The following SAMD5 variants were observed in gnomAD, a reference collection of about 807,000 sequenced individuals.
The protein encoded by SAMD5 is sterile alpha motif domain containing 5, also known as sterile alpha motif domain-containing protein 5.
Under a neutral mutation model 11.3 loss-of-function variants are expected in SAMD5, and 13 were observed. That is an observed-to-expected ratio of 1.15 (90% confidence interval 0.75 to 1.83). The LOEUF is 1.83. Ranked by LOEUF, SAMD5 falls within the 40% of genes most tolerant of loss-of-function variation. The pLI, the probability that SAMD5 is intolerant of heterozygous loss-of-function variation, is 0.00. For missense variants in SAMD5, 255 were observed against 239.1 expected, an observed-to-expected ratio of 1.07 and a Z score of -0.44; for synonymous variants, 129 against 111.3, an observed-to-expected ratio of 1.16 and a Z score of -1.00.
chr6:147,945,166 T>A, the SAMD5 span, among the ~76,000 whole-genome samples: 1 of 152,154 alleles, frequency 6.6e-6, no homozygotes, highest in African/African-American at 2.4e-5. Flanking sequence ...CCCACCTCTT[T>A]GCCCTTTATC....
At chr6:147,705,980 A>G (rs1791319823) in intron 1 of SAMD5, among the ~76,000 whole-genome samples, 2 of 152,196 alleles carry the variant, frequency 1.3e-5, no homozygotes, top group South Asian at 4.1e-4. Flanking sequence ...CAGAAAGATG[A>G]TTTTTGTATG....
intron 1 of SAMD5, among the ~76,000 whole-genome samples, chr6:147,608,125 A>T (rs192745200): frequency 4.6e-5 from 7 of 152,332 alleles, no homozygotes; most frequent in Non-Finnish European, 1.0e-4. Flanking sequence ...TATATCCAAA[A>T]GACAGGCAAT....
chr6:147,800,743 CACT>C, the SAMD5 span, among the ~76,000 whole-genome samples: 15 of 148,808 alleles, frequency 1.0e-4, no homozygotes, highest in South Asian at 3.2e-3. Context: ...TTAAAAATAG[CACT>C]AATAATAATA....
chr6:147,843,087 C>T, the SAMD5 span, among the ~76,000 whole-genome samples: 17 of 152,330 alleles, frequency 1.1e-4, no homozygotes, highest in African/African-American at 3.8e-4. Flanking sequence ...TGGTCTTGAA[C>T]TCTTGACCTC....
chr6:147,521,572 A>G (rs1264685625), intron 1 of SAMD5, among the ~76,000 whole-genome samples: 1 of 152,060 alleles, frequency 6.6e-6, no homozygotes, highest in Non-Finnish European at 1.5e-5. Flanking sequence ...TAAGTTATTT[A>G]GTCTTTGTAA....
At chr6:147,598,057 C>T (rs551065925) in intron 1 of SAMD5, among the ~76,000 whole-genome samples, 1 of 152,126 alleles carries the variant, frequency 6.6e-6, no homozygotes, top group Non-Finnish European at 1.5e-5. Context: ...GCAGTGGAGT[C>T]CTGGAGCTGA....
the SAMD5 span, among the ~76,000 whole-genome samples, chr6:147,851,146 G>A: frequency 2.0e-5 from 3 of 151,890 alleles, no homozygotes; most frequent in Admixed American, 2.0e-4. Flanking sequence ...GTTTCGCCAT[G>A]TTGGCCAGGC....
At chr6:147,716,171 C>A (rs1791463893) in intron 1 of SAMD5, among the ~76,000 whole-genome samples, 1 of 152,188 alleles carries the variant, frequency 6.6e-6, no homozygotes, top group South Asian at 2.1e-4. Flanking sequence ...GCATGGGTTG[C>A]CCTTAGCACC....
chr6:147,568,333 GCA>G lies in SAMD5; in HGVS notation c.*3880_*3881del, dbSNP rs554963292. ...GCCTGAGTATTGTAACAGGTCTCTTGCACAGGGGGTTGAAAAATAAAAAAAGA... is the reference window on the plus strand; with the variant it reads ...GCCTGAGTATTGTAACAGGTCTCTTGCAGGGGGTTGAAAAATAAAAAAAGA... On this transcript the variant is annotated 3_prime_UTR_variant, in exon 2 of 2. Coordinates refer to ENST00000367474, the MANE Select transcript of SAMD5 (RefSeq NM_001030060.3). 3.9e-5 allele frequency: 38 copies of G among 985,284 alleles called. No homozygotes were observed. In the South Asian group the frequency reaches 1.6e-3, roughly 41 times the overall value. 61.0% of individuals were successfully genotyped at this position (985,284 alleles called of 1,614,324 possible).
chr6:147,644,955 T>C (rs1790375444), intron 1 of SAMD5, among the ~76,000 whole-genome samples: 1 of 152,066 alleles, frequency 6.6e-6, no homozygotes, highest in Admixed American at 6.5e-5. Context: ...AGCATACTGG[T>C]TGTGGTTTGA....
the SAMD5 span, among the ~76,000 whole-genome samples, chr6:147,869,751 T>C: frequency 6.6e-6 from 1 of 152,066 alleles, no homozygotes; most frequent in South Asian, 2.1e-4. Flanking sequence ...CAAGCTGGAG[T>C]GTAGTGGTGC....
At chr6:147,588,553 T>C (rs1400774246) in intron 1 of SAMD5, among the ~76,000 whole-genome samples, 3 of 151,990 alleles carry the variant, frequency 2.0e-5, no homozygotes, top group Admixed American at 2.0e-4. Flanking sequence ...CTCAAACTCT[T>C]GGCCTCGGGT....
chr6:147,785,874 A>G, the SAMD5 span, among the ~76,000 whole-genome samples: 1 of 152,194 alleles, frequency 6.6e-6, no homozygotes, highest in Admixed American at 6.5e-5. Context: ...GACTTTTGAT[A>G]AATTCCTAAT....
chr6:147,800,030 C>A, the SAMD5 span, among the ~76,000 whole-genome samples: 1 of 152,104 alleles, frequency 6.6e-6, no homozygotes, highest in Non-Finnish European at 1.5e-5. Context: ...TCCCGTAGCT[C>A]AGAGTAATTT....
chr6:147,765,626 A>G, the SAMD5 span, among the ~76,000 whole-genome samples: 1 of 152,242 alleles, frequency 6.6e-6, no homozygotes, highest in Non-Finnish European at 1.5e-5. Flanking sequence ...TGCAGAGGAC[A>G]TTATCACCAA....
At chr6:147,660,083 T>C (rs1790626183) in intron 1 of SAMD5, among the ~76,000 whole-genome samples, 1 of 152,214 alleles carries the variant, frequency 6.6e-6, no homozygotes, top group Non-Finnish European at 1.5e-5. Flanking sequence ...GCTTTGAGGT[T>C]GCTGCACAGC....
At chr6:147,844,462 C>T in the SAMD5 span, among the ~76,000 whole-genome samples, 7 of 152,050 alleles carry the variant, frequency 4.6e-5, no homozygotes, top group East Asian at 3.9e-4. Flanking sequence ...ATAGAACTAC[C>T]TTATGATCCA....
At chr6:147,843,922 A>T in the SAMD5 span, among the ~76,000 whole-genome samples, 1 of 152,170 alleles carries the variant, frequency 6.6e-6, no homozygotes, top group African/African-American at 2.4e-5. Context: ...CCGGCATTAC[A>T]TTGGTCTGGA....
Position 147,733,844 on chromosome 6 carries a change from A to T in SAMD5, c.163-3473A>T, listed in dbSNP as rs1327949617. 9.3e-6 allele frequency: 5 copies of T among 538,180 alleles called. No homozygotes were observed. In the South Asian group the frequency reaches 4.0e-4, roughly 44 times the overall value. 33.3% of individuals were successfully genotyped at this position (538,180 alleles called of 1,614,324 possible). ...GCTGAGATTTTTGCAGAGTTAAAAC[A>T]CTTGGCCTGTCCCTGCAGCTGGAAA... On this transcript the variant is annotated intron_variant, in intron 1 of 1. Coordinates refer to the SAMD5 transcript ENST00000566741.
Sources: allele counts gnomAD v4.1 joint callset (sites outside exome capture counted in the v4.1 genomes callset), GRCh38; gene constraint gnomAD v4.1.1; transcripts MANE v1.5; gene names NCBI Gene and HGNC (gene_info 2026-07-23, HGNC 2026-07-21).